Variants in ZBTB20 observed in about 807,000 individuals in gnomAD.
ZBTB20 encodes the protein zinc finger and BTB domain containing 20.
Under a neutral mutation model 56.9 loss-of-function variants are expected in ZBTB20, and 9 were observed. The ratio of observed to expected loss-of-function variants is 0.16; its 90% CI spans 0.10 to 0.28. The LOEUF (loss-of-function observed/expected upper bound fraction) is 0.28. Ranked by LOEUF, ZBTB20 falls within the 10% of genes least tolerant of loss-of-function variation. The pLI, the probability that ZBTB20 is intolerant of heterozygous loss-of-function variation, is 1.00. For synonymous variants in ZBTB20, 417 were observed against 420.7 expected (o/e 0.99, Z 0.11); for missense variants, 655 against 1,003.0 (o/e 0.65, Z 4.69).
At position 115,009,030 on chromosome 3, in the gene ZBTB20, C is replaced by T. The variant is rs138194302; in HGVS notation, c.-506-34614G>A. On this transcript the variant is annotated intron_variant, in intron 2 of 11. Coordinates refer to ENST00000675478, the MANE Select transcript of ZBTB20 (RefSeq NM_001348800.3). ...GTATGTAAGATTGAATATTTTTATA[C>T]GTTATTGGACACATATTTTTATGAA... 8.6e-5 allele frequency among the ~76,000 whole-genome samples: 13 copies of T among 151,786 alleles called. No homozygotes were observed. In the South Asian group the frequency reaches 1.2e-3, roughly 15 times the overall value.
At chr3:114,710,823 A>C (rs1336420170) in intron 5 of ZBTB20, among the ~76,000 whole-genome samples, 1 of 152,204 alleles carries the variant, frequency 6.6e-6, no homozygotes, top group Admixed American at 6.5e-5. Context: ...CATGCTTAAA[A>C]AAATCCTCTA....
chr3:114,813,376 G>T (rs947617974), intron 4 of ZBTB20, among the ~76,000 whole-genome samples: 3 of 152,186 alleles, frequency 2.0e-5, no homozygotes, highest in African/African-American at 7.2e-5. Context: ...TCCAGCGATT[G>T]TTTTTATTAG....
At chr3:115,128,251 G>A (rs1438928925) in intron 1 of ZBTB20, among the ~76,000 whole-genome samples, 3 of 152,110 alleles carry the variant, frequency 2.0e-5, no homozygotes, top group East Asian at 3.9e-4. Flanking sequence ...ACAAGTAGAA[G>A]GTGAAAACGG....
intron 3 of ZBTB20, among the ~76,000 whole-genome samples, chr3:114,901,674 A>G (rs545401098): frequency 6.6e-5 from 10 of 152,278 alleles, no homozygotes; most frequent in African/African-American, 2.4e-4. Context: ...ACATCTATAT[A>G]AAGGAATATT....
At chr3:114,663,529 C>G (rs2108099388) in intron 6 of ZBTB20, among the ~76,000 whole-genome samples, 1 of 151,296 alleles carries the variant, frequency 6.6e-6, no homozygotes, top group South Asian at 2.1e-4. Context: ...ATCAAATCCA[C>G]ACATAACAAT....
chr3:114,350,588 G>A lies in ZBTB20; in HGVS notation c.1490C>T (p.Thr497Met). ...GTTGCCAGCTGTGCCAATGACCTGCGTGTTGCTGGTCAAGGTCAGAGGCAT... is the reference window on the plus strand; with the variant it reads ...GTTGCCAGCTGTGCCAATGACCTGCATGTTGCTGGTCAAGGTCAGAGGCAT... ...LRMPLTLTSN[T>M]QVIGTAGNTY... Residue 497 changes from threonine to methionine, a missense_variant, in exon 11 of 12, where the codon ACG becomes ATG. This residue lies in a region of ZBTB20 where 11 missense variants were observed against 35.8 expected (regional missense o/e 0.31). Transcript: ENST00000675478. The A allele has an allele frequency of 6.2e-7, 1 of 1,614,182 alleles. No individual in the cohort carries two copies. The highest frequency in any genetic ancestry group is 8.5e-7 in the Non-Finnish European group (1 of 1,180,028).
chr3:114,382,392 T>C (rs1405113199), intron 8 of ZBTB20, among the ~76,000 whole-genome samples: 1 of 152,240 alleles, frequency 6.6e-6, no homozygotes, highest in Non-Finnish European at 1.5e-5. Context: ...ACTTTTCTCA[T>C]GTGTCCTGTA....
At chr3:114,455,362 C>G (rs754493004) in intron 7 of ZBTB20, among the ~76,000 whole-genome samples, 9 of 152,100 alleles carry the variant, frequency 5.9e-5, no homozygotes, top group Non-Finnish European at 1.0e-4. Context: ...GACAAATCCT[C>G]AAAGGGGGAA....
chr3:114,706,821 G>A (rs1370321106), intron 5 of ZBTB20, among the ~76,000 whole-genome samples: 1 of 152,142 alleles, frequency 6.6e-6, no homozygotes, highest in Admixed American at 6.6e-5. Context: ...CACGGTTTCA[G>A]GTTAGAGGGG....
At position 114,350,858 on chromosome 3, in the gene ZBTB20, G is replaced by C; in HGVS notation, c.1220C>G (p.Thr407Ser). 6.2e-7 allele frequency: 1 copy of C among 1,611,030 alleles called. No individual in the cohort carries two copies. Among genetic ancestry groups the C allele is most frequent in the Non-Finnish European group, 8.5e-7 (1 of 1,180,004 alleles). ...GAARDSQAEP[T>S]QPEQAAEAPA... is the part of the protein sequence containing the mutation. ...GGCTTCTGCAGCCTGCTCGGGTTGG[G>C]TGGGTTCAGCCTGGCTGTCCCGCGC... The change falls in exon 11 of 12, where the codon ACC becomes AGC. Residue 407 changes from threonine (T) to serine (S), a missense_variant. This residue lies in a region of ZBTB20 where 156 missense variants were observed against 181.0 expected (regional missense o/e 0.86). Coordinates refer to ENST00000675478, the MANE Select transcript of ZBTB20 (RefSeq NM_001348800.3).
chr3:114,893,900 G>A (rs550733659), intron 4 of ZBTB20, among the ~76,000 whole-genome samples: 1 of 152,198 alleles, frequency 6.6e-6, no homozygotes, highest in African/African-American at 2.4e-5. Flanking sequence ...GTTCAGGAGC[G>A]CTAAAACACT....
chr3:114,541,521 C>T (rs2049112847), intron 6 of ZBTB20, among the ~76,000 whole-genome samples: 1 of 152,044 alleles, frequency 6.6e-6, no homozygotes, highest in Non-Finnish European at 1.5e-5. Flanking sequence ...GAGTGATAAC[C>T]ATATTCCTGT....
chr3:114,492,882 T>A (rs2042895536), intron 7 of ZBTB20, among the ~76,000 whole-genome samples: 1 of 152,210 alleles, frequency 6.6e-6, no homozygotes, highest in South Asian at 2.1e-4. Flanking sequence ...ATCAGTTTTA[T>A]ATGCACATGA....
intron 1 of ZBTB20, among the ~76,000 whole-genome samples, chr3:115,136,379 T>C (rs1021443164): frequency 1.5e-4 from 23 of 152,234 alleles, no homozygotes; most frequent in Middle Eastern, 3.4e-3. Context: ...CTGATCAACA[T>C]TGAATTCCTC....
chr3:114,502,358 T>C (rs1436799963), intron 6 of ZBTB20, among the ~76,000 whole-genome samples: 1 of 152,174 alleles, frequency 6.6e-6, no homozygotes, highest in Non-Finnish European at 1.5e-5. Context: ...ACTGCACTAT[T>C]GTAGAGATTT....
At chr3:114,686,608 T>TA (rs1173736765) in intron 6 of ZBTB20, among the ~76,000 whole-genome samples, 3 of 152,180 alleles carry the variant, frequency 2.0e-5, no homozygotes, top group Non-Finnish European at 2.9e-5. Context: ...GTCTCACATA[T>TA]GCCCGTTTCT....
chr3:114,543,893 T>A (rs2049412503), intron 6 of ZBTB20, among the ~76,000 whole-genome samples: 1 of 152,170 alleles, frequency 6.6e-6, no homozygotes, highest in African/African-American at 2.4e-5. Flanking sequence ...CCTTTGAGAG[T>A]AAGCATGAAA....
chr3:114,984,188 T>C (rs1022487694), intron 2 of ZBTB20, among the ~76,000 whole-genome samples: 5 of 152,150 alleles, frequency 3.3e-5, no homozygotes, highest in African/African-American at 1.2e-4. Context: ...TTAGGATGTC[T>C]CTTTTCAGTT....
chr3:114,331,103 T>TTGTGTG lies in ZBTB20; in HGVS notation c.*7901_*7902insCACACA, dbSNP rs1353969072. The TTGTGTG allele has an allele frequency of 3.0e-5, 2 of 65,876 alleles. No individual in the cohort carries two copies. Among genetic ancestry groups the TTGTGTG allele is most frequent in the Admixed American group, 1.6e-4 (1 of 6,226 alleles). 4.1% of individuals were successfully genotyped at this position (65,876 alleles called of 1,614,324 possible). The stretch of plus-strand genomic sequence containing the variant: ...GGAAGCTTTAGTTTGAGAATAAAAT[T>TTGTGTG]TATGTGTGTGTGTGTGTGTGTGTGT... On this transcript the variant is annotated 3_prime_UTR_variant, in exon 12 of 12. Coordinates refer to ENST00000675478, the MANE Select transcript of ZBTB20 (RefSeq NM_001348800.3).
Sources: gnomAD v4.1 joint callset for allele counts (sites outside exome capture counted in the v4.1 genomes callset) on GRCh38, gnomAD v4.1.1 for gene constraint, gnomAD v4.1.1 regional missense constraint, MANE v1.5 for transcripts, NCBI Gene and HGNC (gene_info 2026-07-23, HGNC 2026-07-21) for gene names.